PLEKHA7: variants seen among roughly 807,000 people sequenced by gnomAD.
PLEKHA7 encodes pleckstrin homology domain containing A7, also known as pleckstrin homology domain-containing family A member 7.
PLEKHA7 carries 104 observed loss-of-function variants against 170.0 expected under a neutral mutation model. That is an observed-to-expected ratio of 0.61 (90% CI 0.52 to 0.72). The LOEUF is 0.72. Ranked by LOEUF, PLEKHA7 falls within the 30% of genes least tolerant of loss-of-function variation. The probability of loss-of-function intolerance (pLI) is 0.00; values close to 1 mark genes in which losing one functional copy is unlikely to be tolerated. For missense variants in PLEKHA7, 1,615 were observed against 1,671.7 expected, an observed-to-expected ratio of 0.97 and a Z score of 0.59; for synonymous variants, 648 against 660.8, an observed-to-expected ratio of 0.98 and a Z score of 0.30.
intron 3 of PLEKHA7, among the ~76,000 whole-genome samples, chr11:16,877,403 A>G (rs188898989): frequency 2.0e-5 from 3 of 152,336 alleles, no homozygotes; most frequent in Admixed American, 2.0e-4. Flanking sequence ...GGGCCCCACA[A>G]TAAAGAGGTA....
intron 3 of PLEKHA7, among the ~76,000 whole-genome samples, chr11:16,997,688 G>A (rs1311649938): frequency 6.6e-6 from 1 of 152,116 alleles, no homozygotes; most frequent in Non-Finnish European, 1.5e-5. Context: ...ACACCTGGGG[G>A]CTTCTCTACA....
At chr11:16,885,727 C>T (rs1416163643) in intron 3 of PLEKHA7, among the ~76,000 whole-genome samples, 5 of 151,816 alleles carry the variant, frequency 3.3e-5, no homozygotes, top group African/African-American at 1.2e-4. Flanking sequence ...GGCACAGTGG[C>T]TCACATCTGT....
At chr11:16,784,231 G>C (rs75939305) in intron 24 of PLEKHA7, among the ~76,000 whole-genome samples, 11,475 of 152,102 alleles carry the variant, frequency 0.075, 577 homozygotes, top group Non-Finnish European at 0.1. Flanking sequence ...GTTCTGTCTG[G>C]GAAGCTCTTC....
chr11:16,956,174 C>T (rs779155338), intron 3 of PLEKHA7, among the ~76,000 whole-genome samples: 10 of 152,174 alleles, frequency 6.6e-5, no homozygotes, highest in Non-Finnish European at 1.3e-4. Flanking sequence ...TGTGTGTACA[C>T]ATACGTACCT....
intron 9 of PLEKHA7, among the ~76,000 whole-genome samples, chr11:16,834,968 GAAC>G (rs1303115731): frequency 2.0e-5 from 3 of 152,082 alleles, no homozygotes; most frequent in Non-Finnish European, 4.4e-5. Context: ...ACAAACAAGA[GAAC>G]AAAAGTCAGA....
chr11:16,892,470 A>C (rs1856717376), intron 3 of PLEKHA7, among the ~76,000 whole-genome samples: 1 of 88,456 alleles, frequency 1.1e-5, no homozygotes, highest in Non-Finnish European at 2.8e-5. Context: ...TTTTGAGATA[A>C]AGTATCACTC....
intron 3 of PLEKHA7, among the ~76,000 whole-genome samples, chr11:16,994,446 C>A (rs1565189970): frequency 6.6e-6 from 1 of 152,164 alleles, no homozygotes; most frequent in Non-Finnish European, 1.5e-5. Context: ...TGGAGGCCAA[C>A]CCTCACCTGC....
At chr11:16,838,693 C>CTTTTTT (rs869209891) in intron 9 of PLEKHA7, among the ~76,000 whole-genome samples, 11 of 107,858 alleles carry the variant, frequency 1.0e-4, no homozygotes, top group East Asian at 2.8e-4. Flanking sequence ...ACACAGTTTT[C>CTTTTTT]TTTTTTTTTT....
chr11:16,854,777 A>C, intron 6 of PLEKHA7, 112 bp downstream of exon 6: 1 of 887,754 alleles, frequency 1.1e-6, no homozygotes, highest in Non-Finnish European at 1.8e-6. Flanking sequence ...GCCTCAGACA[A>C]ACTCAGGAAC....
At chr11:16,931,746 G>A (rs1859944089) in intron 3 of PLEKHA7, among the ~76,000 whole-genome samples, 1 of 127,496 alleles carries the variant, frequency 7.8e-6, no homozygotes, top group South Asian at 2.9e-4. Flanking sequence ...CAGAGTGAAT[G>A]AGATTCCATC....
intron 26 of PLEKHA7, chr11:16,780,935 C>A (rs1848976023): frequency 8.3e-6 from 8 of 959,952 alleles, no homozygotes; most frequent in Non-Finnish European, 7.4e-6. Flanking sequence ...CAGACAGGGG[C>A]TCTTACTTGG....
At chr11:17,011,442 C>T (rs752160494) in intron 3 of PLEKHA7, among the ~76,000 whole-genome samples, 2 of 152,194 alleles carry the variant, frequency 1.3e-5, no homozygotes, top group South Asian at 2.1e-4. Context: ...CTCCAATTAC[C>T]GGCTAATGTC....
At chr11:16,937,825 C>A (rs1279063662) in intron 3 of PLEKHA7, among the ~76,000 whole-genome samples, 1 of 152,106 alleles carries the variant, frequency 6.6e-6, no homozygotes, top group East Asian at 1.9e-4. Context: ...TCAGGCTGGT[C>A]TTGAACTCCC....
intron 4 of PLEKHA7, among the ~76,000 whole-genome samples, chr11:16,867,983 C>T (rs1489651060): frequency 6.6e-6 from 1 of 152,294 alleles, no homozygotes; most frequent in Non-Finnish European, 1.5e-5. Context: ...CTCCAGAATC[C>T]ACCCAGTGCT....
intron 3 of PLEKHA7, among the ~76,000 whole-genome samples, chr11:16,880,153 G>T (rs1164429137): frequency 6.6e-6 from 1 of 152,146 alleles, no homozygotes; most frequent in African/African-American, 2.4e-5. Flanking sequence ...TAGCTCTACA[G>T]CCCAGGCAAC....
chr11:16,831,336 C>T (rs763076387), intron 9 of PLEKHA7, among the ~76,000 whole-genome samples: 18 of 152,158 alleles, frequency 1.2e-4, no homozygotes, highest in Non-Finnish European at 2.5e-4. Flanking sequence ...CAACTTAACA[C>T]ATGACCTCTC....
At chr11:16,952,697 C>T (rs1861480975) in intron 3 of PLEKHA7, among the ~76,000 whole-genome samples, 1 of 152,158 alleles carries the variant, frequency 6.6e-6, no homozygotes, top group African/African-American at 2.4e-5. Flanking sequence ...CTGCAGAATA[C>T]ATATTGGTTA....
chr11:16,928,610 G>A (rs1859726866), intron 3 of PLEKHA7, among the ~76,000 whole-genome samples: 1 of 151,864 alleles, frequency 6.6e-6, no homozygotes, highest in Non-Finnish European at 1.5e-5. Flanking sequence ...GTGCCACCAT[G>A]CCCAGCTAAT....
intron 3 of PLEKHA7, among the ~76,000 whole-genome samples, chr11:17,010,007 G>A (rs1865231021): frequency 6.6e-6 from 1 of 152,100 alleles, no homozygotes; most frequent in Admixed American, 6.6e-5. Flanking sequence ...TATACATTTT[G>A]TCCCTCATTA....
Sources: gnomAD v4.1 joint callset for allele counts (sites outside exome capture counted in the v4.1 genomes callset) on GRCh38, gnomAD v4.1.1 for gene constraint, MANE v1.5 for transcripts, NCBI Gene and HGNC (gene_info 2026-07-23, HGNC 2026-07-21) for gene names.